Variants in TEAD1 observed in about 807,000 individuals in gnomAD.
TEAD1 encodes transcriptional enhancer factor TEF-1.
In TEAD1, 9 loss-of-function variants were observed where a neutral mutation model predicts 54.9. That is an observed-to-expected ratio of 0.16 (90% CI 0.10 to 0.29). The LOEUF (loss-of-function observed/expected upper bound fraction) is 0.29. Among genes scored for constraint, TEAD1 ranks in the 10% least tolerant of loss-of-function variants. TEAD1 has a pLI of 1.00. For synonymous variants in TEAD1, 200 were observed against 187.8 expected, an observed-to-expected ratio of 1.07 and a Z score of -0.53; for missense variants, 387 against 535.9, an observed-to-expected ratio of 0.72 and a Z score of 2.74.
At chr11:12,735,214 G>T (rs995050562) in intron 2 of TEAD1, among the ~76,000 whole-genome samples, 1 of 152,114 alleles carries the variant, frequency 6.6e-6, no homozygotes, top group Non-Finnish European at 1.5e-5. Flanking sequence ...CCATTCTAAA[G>T]GATGAAAAGG....
At chr11:12,776,483 A>G (rs1590139131) in intron 3 of TEAD1, among the ~76,000 whole-genome samples, 2 of 152,256 alleles carry the variant, frequency 1.3e-5, no homozygotes, top group East Asian at 1.9e-4. Context: ...ATTCCTGGCA[A>G]GTAATCTTGT....
At chr11:12,761,234 G>A (rs9888181) in intron 2 of TEAD1, among the ~76,000 whole-genome samples, 57,145 of 152,026 alleles carry the variant, frequency 0.38, 10,984 homozygotes, top group South Asian at 0.6. Flanking sequence ...GAGGTTGTCT[G>A]CAAGACTCTG....
At chr11:12,775,837 GATA>G (rs1945405460) in intron 3 of TEAD1, among the ~76,000 whole-genome samples, 1 of 152,180 alleles carries the variant, frequency 6.6e-6, no homozygotes, top group Admixed American at 6.5e-5. Context: ...GAAGAAAAAA[GATA>G]ATTGTGTCAA....
At chr11:12,884,152 C>T (rs1273975747) in intron 9 of TEAD1, among the ~76,000 whole-genome samples, 2 of 152,076 alleles carry the variant, frequency 1.3e-5, no homozygotes, top group South Asian at 2.1e-4. Flanking sequence ...TTGTACCCAT[C>T]GTCCCATTGT....
At chr11:12,904,545 G>GAC (rs1948484185) in intron 10 of TEAD1, among the ~76,000 whole-genome samples, 1 of 152,154 alleles carries the variant, frequency 6.6e-6, no homozygotes, top group Admixed American at 6.5e-5. Context: ...ACTGCTTGTT[G>GAC]ACTTTTGATA....
At chr11:12,715,069 A>G (rs1016212223) in intron 2 of TEAD1, among the ~76,000 whole-genome samples, 1 of 152,132 alleles carries the variant, frequency 6.6e-6, no homozygotes, top group Non-Finnish European at 1.5e-5. Context: ...CTAGGAATGT[A>G]GCTATGAATA....
At chr11:12,751,867 C>G (rs1944877628) in intron 2 of TEAD1, among the ~76,000 whole-genome samples, 1 of 152,162 alleles carries the variant, frequency 6.6e-6, no homozygotes, top group African/African-American at 2.4e-5. Flanking sequence ...CCTCTGAGCA[C>G]TCTCTGAGGG....
intron 2 of TEAD1, among the ~76,000 whole-genome samples, chr11:12,683,031 TG>T (rs926756132): frequency 6.6e-6 from 1 of 152,202 alleles, no homozygotes; most frequent in African/African-American, 2.4e-5. Context: ...GAGTCAGTAG[TG>T]AGCATTCCTA....
intron 3 of TEAD1, among the ~76,000 whole-genome samples, chr11:12,803,585 G>T (rs937702327): frequency 1.3e-5 from 2 of 152,178 alleles, no homozygotes; most frequent in Admixed American, 6.5e-5. Context: ...TGTGCCTGCT[G>T]TGTGGCTCAT....
intron 2 of TEAD1, among the ~76,000 whole-genome samples, chr11:12,712,021 C>T (rs983002394): frequency 4.6e-5 from 7 of 152,292 alleles, no homozygotes; most frequent in African/African-American, 2.4e-5. Context: ...CTCCTCAGTC[C>T]AGTCCTAGGC....
At chr11:12,707,279 ACTC>A (rs1943838293) in intron 2 of TEAD1, among the ~76,000 whole-genome samples, 1 of 150,884 alleles carries the variant, frequency 6.6e-6, no homozygotes, top group Admixed American at 6.6e-5. Context: ...TCACCCTTCC[ACTC>A]CTCCTCATGC....
intron 2 of TEAD1, among the ~76,000 whole-genome samples, chr11:12,750,248 G>C (rs1944841834): frequency 1.3e-5 from 2 of 152,140 alleles, no homozygotes; most frequent in African/African-American, 4.8e-5. Context: ...CCTGTTGTCA[G>C]CTCACAGCCT....
chr11:12,928,658 C>G (rs1271684397), intron 11 of TEAD1, among the ~76,000 whole-genome samples: 1 of 152,138 alleles, frequency 6.6e-6, no homozygotes, highest in African/African-American at 2.4e-5. Context: ...AATAACTATT[C>G]TTTAAAGATT....
chr11:12,821,941 T>C (rs1391938999), intron 3 of TEAD1, among the ~76,000 whole-genome samples: 2 of 144,200 alleles, frequency 1.4e-5, no homozygotes, highest in African/African-American at 2.5e-5. Context: ...TCCTATACTC[T>C]CTCTCCTTTT....
chr11:12,821,594 C>A (rs1009968346), intron 3 of TEAD1, among the ~76,000 whole-genome samples: 1 of 152,126 alleles, frequency 6.6e-6, no homozygotes, highest in African/African-American at 2.4e-5. Flanking sequence ...AAACTATGAC[C>A]TCTTCTGGAG....
At chr11:12,792,549 T>C (rs1188024748) in intron 3 of TEAD1, among the ~76,000 whole-genome samples, 2 of 152,192 alleles carry the variant, frequency 1.3e-5, no homozygotes, top group African/African-American at 4.8e-5. Flanking sequence ...TCTGCTGCAT[T>C]GTCCTACTAG....
chr11:12,844,049 T>G (rs920989684), intron 3 of TEAD1, among the ~76,000 whole-genome samples: 2 of 152,366 alleles, frequency 1.3e-5, no homozygotes, highest in South Asian at 2.1e-4. Context: ...TCTTTGGAGA[T>G]TCTTTTAACT....
intron 10 of TEAD1, among the ~76,000 whole-genome samples, chr11:12,913,652 A>G (rs10831918): frequency 0.17 from 26,275 of 152,178 alleles, 2,502 homozygotes; most frequent in Non-Finnish European, 0.22. Context: ...TTGCCCAGTT[A>G]AATTTGCATT....
At chr11:12,714,138 A>G (rs1944003493) in intron 2 of TEAD1, among the ~76,000 whole-genome samples, 1 of 152,166 alleles carries the variant, frequency 6.6e-6, no homozygotes, top group Admixed American at 6.5e-5. Context: ...GGCAGGCAGG[A>G]ACTCGGGAGG....
Sources: allele counts gnomAD v4.1 joint callset (sites outside exome capture counted in the v4.1 genomes callset), GRCh38; gene constraint gnomAD v4.1.1; transcripts MANE v1.5; gene names NCBI Gene and HGNC (gene_info 2026-07-23, HGNC 2026-07-21).